Variants in BCLAF3 observed in about 807,000 individuals in gnomAD.
The protein encoded by BCLAF3 is BCLAF1 and THRAP3 family member 3.
Under a neutral mutation model 51.2 loss-of-function variants are expected in BCLAF3, and 24 were observed. The observed-to-expected ratio is 0.47, with a 90% CI of 0.34 to 0.66. The LOEUF (loss-of-function observed/expected upper bound fraction) is 0.66, where lower values mean the gene tolerates loss of function less well. Ranked by LOEUF, BCLAF3 falls within the 30% of genes least tolerant of loss-of-function variation. The pLI is 0.01. For missense variants in BCLAF3, 465 were observed against 525.1 expected (o/e 0.89, Z 1.12); for synonymous variants, 152 against 176.6 (o/e 0.86, Z 1.10).
At chrX:19,987,447 G>A (rs2072840399) in intron 1 of BCLAF3, among the ~76,000 whole-genome samples, 1 of 111,588 alleles carries the variant, frequency 9.0e-6, no homozygotes, top group Admixed American at 9.5e-5. Flanking sequence ...TGGGATTACA[G>A]GCATGCACCA....
chrX:19,952,093 C>T (rs1394450914), intron 7 of BCLAF3, among the ~76,000 whole-genome samples: 2 of 111,740 alleles, frequency 1.8e-5, no homozygotes, highest in Non-Finnish European at 3.8e-5. Flanking sequence ...CCAGAAAAGA[C>T]GATTAAATAA....
In BCLAF3 at chrX:19,914,402, T is replaced by C. The variant is rs1306630762; in HGVS notation, c.*2903A>G. 9.0e-6 allele frequency: 1 copy of C among 110,653 alleles called. No homozygotes were observed. The allele number at this position is 110,653 out of a possible 1,213,427, so 9.1% of individuals were successfully genotyped here. ...CCTTGCTTGGTTGTTCCTGGTGAAT[T>C]TGTGCCTGGTGGTTACTGAATTTGC... On this transcript the variant is annotated 3_prime_UTR_variant, in exon 12 of 12. Coordinates refer to ENST00000379682, the MANE Select transcript of BCLAF3 (RefSeq NM_001367774.2).
At chrX:19,930,391 T>G (rs1156276588) in intron 10 of BCLAF3, 2 of 113,104 alleles carry the variant, frequency 1.8e-5, no homozygotes, top group African/African-American at 6.6e-5. Flanking sequence ...GGAGCTGTCC[T>G]GGATTCTAGG....
At chrX:19,962,663 T>C (rs975708504) in intron 4 of BCLAF3, among the ~76,000 whole-genome samples, 5 of 112,338 alleles carry the variant, frequency 4.5e-5, no homozygotes, top group African/African-American at 1.6e-4. Flanking sequence ...AATAGATGAA[T>C]AGATGTGTAA....
At chrX:19,978,927 T>C (rs1258849608) in intron 1 of BCLAF3, among the ~76,000 whole-genome samples, 1 of 109,693 alleles carries the variant, frequency 9.1e-6, no homozygotes, top group Non-Finnish European at 1.9e-5. Flanking sequence ...AAAGGAAGAG[T>C]TGATCGATGC....
At position 19,917,219 on chromosome X, in the gene BCLAF3, T is replaced by C; in HGVS notation, c.*86A>G. ...TCAAGAAGTTACAGTATTAGTGCCTTAGTGTCACTTCTAACTCCTGACAAA... is the reference window on the plus strand; with the variant it reads ...TCAAGAAGTTACAGTATTAGTGCCTCAGTGTCACTTCTAACTCCTGACAAA... On this transcript the variant is annotated 3_prime_UTR_variant, in exon 12 of 12. Coordinates refer to ENST00000379682, the MANE Select transcript of BCLAF3 (RefSeq NM_001367774.2). The C allele has an allele frequency of 1.2e-6, 1 of 855,289 alleles. No homozygotes were observed. Among genetic ancestry groups the C allele is most frequent in the Non-Finnish European group, 1.7e-6 (1 of 577,670 alleles). The allele number at this position is 855,289 out of a possible 1,213,427, so 70.5% of individuals were successfully genotyped here.
chrX:19,950,132 T>A (rs1487027213), intron 8 of BCLAF3, among the ~76,000 whole-genome samples: 1 of 112,025 alleles, frequency 8.9e-6, no homozygotes, highest in African/African-American at 3.2e-5. Flanking sequence ...TTTATCATCA[T>A]TTTACAGATG....
At chrX:19,971,482 G>GT (rs202012123) in intron 1 of BCLAF3, among the ~76,000 whole-genome samples, 1,475 of 112,339 alleles carry the variant, frequency 0.013, 24 homozygotes, top group African/African-American at 0.044. Flanking sequence ...TTTGCTTCTG[G>GT]TTTTTTGCTA....
intron 4 of BCLAF3, among the ~76,000 whole-genome samples, chrX:19,958,184 TTAAGGA>T (rs965520936): frequency 1.6e-4 from 18 of 112,214 alleles, no homozygotes; most frequent in African/African-American, 5.8e-4. Flanking sequence ...ATTTTTCTGT[TTAAGGA>T]TATTTCCACT....
At chrX:19,989,303 C>T (rs2072884710) in intron 1 of BCLAF3, among the ~76,000 whole-genome samples, 1 of 110,477 alleles carries the variant, frequency 9.1e-6, no homozygotes. Flanking sequence ...TGAGACCAGC[C>T]TGGCAAATAT....
intron 1 of BCLAF3, among the ~76,000 whole-genome samples, chrX:19,984,729 A>G (rs1438172603): frequency 9.1e-6 from 1 of 109,916 alleles, no homozygotes; most frequent in East Asian, 2.8e-4. Context: ...CTTGTTGCCC[A>G]GGCTGGAGTG....
chrX:19,925,450 C>T (rs2070325422), intron 11 of BCLAF3, among the ~76,000 whole-genome samples: 1 of 110,943 alleles, frequency 9.0e-6, no homozygotes, highest in Admixed American at 9.6e-5. Flanking sequence ...ATTTCAGGCT[C>T]AAGAAGGTTC....
chrX:19,979,128 C>T (rs2072528328), intron 1 of BCLAF3, among the ~76,000 whole-genome samples: 1 of 110,598 alleles, frequency 9.0e-6, no homozygotes, highest in African/African-American at 3.3e-5. Flanking sequence ...GGTGTGGTGG[C>T]ATACACCTAT....
At chrX:19,976,854 G>A (rs2072441781) in intron 1 of BCLAF3, among the ~76,000 whole-genome samples, 1 of 111,894 alleles carries the variant, frequency 8.9e-6, no homozygotes, top group South Asian at 3.7e-4. Context: ...ACTATGCAGG[G>A]TTTGTGGCAA....
At chrX:19,976,414 G>A (rs1238458466) in intron 1 of BCLAF3, among the ~76,000 whole-genome samples, 1 of 109,850 alleles carries the variant, frequency 9.1e-6, no homozygotes, top group East Asian at 2.8e-4. Flanking sequence ...TTTTTGAGAT[G>A]GAGTCTCGCT....
intron 8 of BCLAF3, among the ~76,000 whole-genome samples, chrX:19,946,041 G>A (rs1461851007): frequency 8.2e-5 from 9 of 109,407 alleles, no homozygotes; most frequent in Non-Finnish European, 1.5e-4. Context: ...GATTTTCCAG[G>A]TGCGTCCGTC....
chrX:19,964,522 G>A (rs911314767), intron 4 of BCLAF3, among the ~76,000 whole-genome samples: 5 of 110,364 alleles, frequency 4.5e-5, no homozygotes, highest in African/African-American at 1.3e-4. Context: ...CACCTGCCTC[G>A]TTGAGTCATA....
At chrX:19,976,576 A>C (rs1238726366) in intron 1 of BCLAF3, among the ~76,000 whole-genome samples, 1 of 111,123 alleles carries the variant, frequency 9.0e-6, no homozygotes, top group African/African-American at 3.3e-5. Flanking sequence ...TTTTTAGTAG[A>C]GACGAGGTTT....
intron 5 of BCLAF3, among the ~76,000 whole-genome samples, chrX:19,955,041 T>C (rs2071615990): frequency 8.9e-6 from 1 of 111,803 alleles, no homozygotes; most frequent in South Asian, 3.7e-4. Flanking sequence ...TCCTGATTTC[T>C]TGAGTTTCCT....
Sources: gnomAD v4.1 joint callset for allele counts (sites outside exome capture counted in the v4.1 genomes callset) on GRCh38, gnomAD v4.1.1 for gene constraint, MANE v1.5 for transcripts, NCBI Gene and HGNC (gene_info 2026-07-23, HGNC 2026-07-21) for gene names.